DLGAP2: variants seen among roughly 807,000 people sequenced by gnomAD.
DLGAP2 encodes the protein disks large-associated protein 2.
DLGAP2 carries 26 observed loss-of-function variants against 100.3 expected under a neutral mutation model. That is an observed-to-expected ratio of 0.26 (90% CI 0.19 to 0.36). The LOEUF is 0.36. Among genes scored for constraint, DLGAP2 ranks in the 10% least tolerant of loss-of-function variants. The probability of loss-of-function intolerance (pLI) is 1.00; values close to 1 mark genes in which losing one functional copy is unlikely to be tolerated. For synonymous variants in DLGAP2, 886 were observed against 630.1 expected, an observed-to-expected ratio of 1.41 and a Z score of -6.08; for missense variants, 1,858 against 1,453.2, an observed-to-expected ratio of 1.28 and a Z score of -4.53.
intron 13 of DLGAP2, among the ~76,000 whole-genome samples, chr8:1,694,146 C>G (rs1477333971): frequency 6.6e-6 from 1 of 152,204 alleles, no homozygotes; most frequent in South Asian, 2.1e-4. Context: ...AAATAGCTGG[C>G]TTGGCTACAT....
intron 2 of DLGAP2, among the ~76,000 whole-genome samples, chr8:1,116,150 C>T (rs1048704178): frequency 6.6e-6 from 1 of 152,236 alleles, no homozygotes; most frequent in Non-Finnish European, 1.5e-5. Context: ...GCAATCCCAT[C>T]CCCATGGGGT....
chr8:1,191,309 T>C (rs1447573939), intron 2 of DLGAP2, among the ~76,000 whole-genome samples: 2 of 151,784 alleles, frequency 1.3e-5, no homozygotes, highest in Admixed American at 6.6e-5. Context: ...TAGCTGGGAC[T>C]ACAGGCACCC....
chr8:1,012,147 T>C (rs1169824451), intron 2 of DLGAP2, among the ~76,000 whole-genome samples: 2 of 152,210 alleles, frequency 1.3e-5, no homozygotes, highest in African/African-American at 4.8e-5. Flanking sequence ...ATCCCCTTGC[T>C]AGGCTGTGTG....
chr8:745,753 T>G (rs1379521881), intron 1 of DLGAP2, among the ~76,000 whole-genome samples: 1 of 152,220 alleles, frequency 6.6e-6, no homozygotes, highest in Non-Finnish European at 1.5e-5. Flanking sequence ...ACATGAAAGT[T>G]AAGTACCTAA....
chr8:1,226,303 G>A (rs1176949457), intron 2 of DLGAP2, among the ~76,000 whole-genome samples: 4 of 152,114 alleles, frequency 2.6e-5, no homozygotes, highest in Non-Finnish European at 4.4e-5. Context: ...AAAAGGAATG[G>A]GACCATGTCC....
At chr8:1,615,501 C>A in intron 6 of DLGAP2, among the ~76,000 whole-genome samples, 1 of 152,154 alleles carries the variant, frequency 6.6e-6, no homozygotes, top group Non-Finnish European at 1.5e-5. Flanking sequence ...CCAGAAAGAT[C>A]TTTAAACAGC....
Position 1,296,816 on chromosome 8 carries a change from G to A in DLGAP2, c.106+37933G>A, listed in dbSNP as rs146483255. 3.0e-3 allele frequency among the ~76,000 whole-genome samples: 453 copies of A among 152,306 alleles called. 2 individuals are homozygous for A. Among genetic ancestry groups the A allele is most frequent in the Non-Finnish European group, 4.8e-3 (324 of 68,028 alleles). ...GGTGTGGTGGGTGCACAGCCGCACC[G>A]GAGCGGCCCCCGAACCACACAGGAC... On this transcript the variant is annotated intron_variant, in intron 3 of 14. Coordinates refer to ENST00000637795, the MANE Select transcript of DLGAP2 (RefSeq NM_001346810.2).
chr8:1,593,667 A>G (rs1303909902), intron 6 of DLGAP2, among the ~76,000 whole-genome samples: 1 of 150,480 alleles, frequency 6.6e-6, no homozygotes, highest in Admixed American at 6.7e-5. Flanking sequence ...CAGTTAGCAC[A>G]TCCAGCACCC....
At chr8:1,092,968 A>T (rs1262203647) in intron 2 of DLGAP2, among the ~76,000 whole-genome samples, 1 of 152,142 alleles carries the variant, frequency 6.6e-6, no homozygotes, top group Non-Finnish European at 1.5e-5. Flanking sequence ...GAATCATTTC[A>T]CCGGATATGG....
intron 2 of DLGAP2, among the ~76,000 whole-genome samples, chr8:1,108,927 G>T: frequency 7.0e-6 from 1 of 142,500 alleles, no homozygotes; most frequent in African/African-American, 2.6e-5. Context: ...CTGGATCTGT[G>T]AGGTGTGCAT....
chr8:1,368,259 C>G (rs768184906), intron 3 of DLGAP2, among the ~76,000 whole-genome samples: 1 of 150,960 alleles, frequency 6.6e-6, no homozygotes. Context: ...CATGTGTGTG[C>G]GTGTGTGCAG....
At chr8:1,129,251 A>C (rs1214164231) in intron 2 of DLGAP2, among the ~76,000 whole-genome samples, 1 of 152,040 alleles carries the variant, frequency 6.6e-6, no homozygotes, top group Admixed American at 6.6e-5. Flanking sequence ...TAAATATAAA[A>C]AATTAGCCAG....
chr8:1,171,658 G>C lies in DLGAP2; in HGVS notation c.74-87193G>C, dbSNP rs950442820. On this transcript the variant is annotated intron_variant, in intron 2 of 14. Coordinates refer to ENST00000637795, the MANE Select transcript of DLGAP2 (RefSeq NM_001346810.2). ...TGTAATGGCCTTCTTTGTCAACTTT[G>C]ATCTTTGTTGGTTTAAAATCTGTTT... is the stretch of plus-strand genomic sequence containing the variant. Among the ~76,000 whole-genome samples the C allele has an allele frequency of 1.5e-4, 23 of 152,254 alleles. No individual in the cohort carries two copies. In the East Asian group the frequency reaches 2.3e-3, roughly 15 times the overall value.
intron 1 of DLGAP2, among the ~76,000 whole-genome samples, chr8:890,368 T>C (rs929319943): frequency 1.3e-5 from 2 of 152,170 alleles, no homozygotes; most frequent in African/African-American, 2.4e-5. Context: ...GTGTTTATTC[T>C]GTGATTCTTT....
chr8:1,061,158 C>G (rs1803069803), intron 2 of DLGAP2, among the ~76,000 whole-genome samples: 1 of 152,186 alleles, frequency 6.6e-6, no homozygotes, highest in Non-Finnish European at 1.5e-5. Context: ...CTGGCGCTGT[C>G]CTTTGCCAGC....
intron 2 of DLGAP2, among the ~76,000 whole-genome samples, chr8:970,861 A>G (rs1799997305): frequency 1.3e-5 from 2 of 152,244 alleles, no homozygotes; most frequent in African/African-American, 4.8e-5. Flanking sequence ...GTCAGACCCC[A>G]GACTATCTTA....
intron 3 of DLGAP2, among the ~76,000 whole-genome samples, chr8:1,337,211 A>G (rs989795034): frequency 1.5e-5 from 2 of 131,884 alleles, no homozygotes; most frequent in Non-Finnish European, 3.2e-5. Context: ...GATGATGGTG[A>G]TGATGATGAG....
chr8:1,326,790 C>G (rs1311877092), intron 3 of DLGAP2, among the ~76,000 whole-genome samples: 1 of 152,254 alleles, frequency 6.6e-6, no homozygotes, highest in African/African-American at 2.4e-5. Context: ...GTTTCCATCT[C>G]TCATTTCTTC....
chr8:1,105,110 G>C (rs541140777), intron 2 of DLGAP2: 41 of 152,338 alleles, frequency 2.7e-4, no homozygotes, highest in African/African-American at 9.4e-4. Context: ...AGGCCCACGG[G>C]TGCCCCGAAT....
Sources: allele counts gnomAD v4.1 joint callset (sites outside exome capture counted in the v4.1 genomes callset), GRCh38; gene constraint gnomAD v4.1.1; transcripts MANE v1.5; gene names NCBI Gene and HGNC (gene_info 2026-07-23, HGNC 2026-07-21).